Variants in ACSF2 observed in about 807,000 individuals in gnomAD.
ACSF2 encodes the protein medium-chain acyl-CoA ligase ACSF2, mitochondrial.
Under a neutral mutation model 79.3 loss-of-function variants are expected in ACSF2, and 52 were observed. The ratio of observed to expected loss-of-function variants is 0.66; its 90% CI spans 0.53 to 0.83. The LOEUF (loss-of-function observed/expected upper bound fraction) is 0.83. Ranked by LOEUF, ACSF2 falls within the 40% of genes least tolerant of loss-of-function variation. ACSF2 has a pLI of 0.00. For missense variants in ACSF2, 661 were observed against 803.3 expected, an observed-to-expected ratio of 0.82 and a Z score of 2.14; for synonymous variants, 283 against 312.6, an observed-to-expected ratio of 0.91 and a Z score of 1.00.
chr17:50,456,187 G>A (rs1039465134), intron 1 of ACSF2, among the ~76,000 whole-genome samples: 3 of 152,060 alleles, frequency 2.0e-5, no homozygotes, highest in African/African-American at 4.8e-5. Context: ...AGTAATCATC[G>A]TGCATTTAAC....
Position 50,463,379 on chromosome 17 carries a change from C to T in ACSF2, c.889-16C>T, listed in dbSNP as rs376856056. On this transcript the variant is annotated splice_polypyrimidine_tract_variant and intron_variant, in intron 7 of 15. Transcript: ENST00000300441. This position sits in a 1 kb window ranked among gnomAD's most constrained non-coding sequence, Gnocchi z 4.6. ...CTGGCTCCAAGACAGACCCAGCCTC[C>T]TGTCTCCATCACCAGACACCAGAGC... 2.5e-6 allele frequency: 4 copies of T among 1,613,278 alleles called. No individual in the cohort carries two copies.
In ACSF2 at chr17:50,471,368, G is replaced by T; in HGVS notation, c.1323+233G>T. Reference sequence around the variant, plus strand: ...GAGCGGCTGCCAGCTGAACTTCTCCGCGGCCTCCCTTCCTGTCTGAGGTGT... The same window carrying T: ...GAGCGGCTGCCAGCTGAACTTCTCCTCGGCCTCCCTTCCTGTCTGAGGTGT... On this transcript the variant is annotated intron_variant, in intron 11 of 15. Coordinates refer to ENST00000300441, the MANE Select transcript of ACSF2 (RefSeq NM_025149.6). The surrounding 1 kb of genome is among the most constrained non-coding windows in gnomAD (Gnocchi z 4.1). 1.9e-6 allele frequency: 1 copy of T among 532,224 alleles called. No homozygotes were observed. Among genetic ancestry groups the T allele is most frequent in the South Asian group, 2.1e-5 (1 of 47,104 alleles). The allele number at this position is 532,224 out of a possible 1,614,324, so 33.0% of individuals were successfully genotyped here. A position where few individuals can be genotyped will look rare whatever the true frequency, so the allele number is the denominator to read the frequency against.
chr17:50,439,806 T>TA (rs201288325), intron 1 of ACSF2, among the ~76,000 whole-genome samples: 2,174 of 152,026 alleles, frequency 0.014, 19 homozygotes, highest in South Asian at 0.02. Context: ...ACACTATTGC[T>TA]AAAAAAAAGA....
At chr17:50,465,187 G>T in intron 10 of ACSF2, 1 of 1,337,304 alleles carries the variant, frequency 7.5e-7, no homozygotes, top group Non-Finnish European at 1.0e-6. Context: ...TGTAAAAATG[G>T]AGGGTCTGCC....
chr17:50,464,025 G>A (rs1271102024), intron 9 of ACSF2, 116 bp downstream of exon 9: 2 of 595,128 alleles, frequency 3.4e-6, no homozygotes, highest in Non-Finnish European at 5.8e-6. Context: ...GAAGGACGCT[G>A]TAAAAATGTG....
At chr17:50,462,657 G>A (rs1347920509) in intron 6 of ACSF2, 72 bp downstream of exon 6, 1 of 1,546,558 alleles carries the variant, frequency 6.5e-7, no homozygotes, top group East Asian at 2.3e-5. Context: ...CTTCCGCGGG[G>A]ATGGGGAGAC....
At chr17:50,427,377 A>G (rs1163078952) in intron 1 of ACSF2, among the ~76,000 whole-genome samples, 1 of 152,164 alleles carries the variant, frequency 6.6e-6, no homozygotes, top group African/African-American at 2.4e-5. Context: ...CTGATTTCTG[A>G]ATGCTAGAAA....
At chr17:50,427,175 T>C (rs1915071062) in intron 1 of ACSF2, among the ~76,000 whole-genome samples, 1 of 152,178 alleles carries the variant, frequency 6.6e-6, no homozygotes, top group Non-Finnish European at 1.5e-5. Context: ...ACTAAGTCTA[T>C]GGTCAGGACA....
chr17:50,468,153 C>T (rs779637239), intron 10 of ACSF2: 1 of 1,614,082 alleles, frequency 6.2e-7, no homozygotes. Context: ...AGCTCCTCCA[C>T]CACCCGTAGC....
At chr17:50,468,299 T>A (rs1363973149) in intron 10 of ACSF2, 1 of 1,613,774 alleles carries the variant, frequency 6.2e-7, no homozygotes, top group Admixed American at 1.7e-5. Flanking sequence ...CCAGCGCAGG[T>A]CCTTGGCTCC....
rs192090592 is a variant in ACSF2 at position 50,463,113 on chromosome 17, G to A, written c.793-43G>A. 29 of 1,542,768 alleles carry A rather than the reference G, an allele frequency of 1.9e-5. 1 individual carries two copies. The Admixed American group carries it at 3.7e-4, about 20-fold the overall frequency. ...CAAGGCAGTGGCCCAGGGTGGGAAG[G>A]AGATGAGAAGGAGGCCAAGCCATGC... On this transcript the variant is annotated intron_variant, in intron 6 of 15. Transcript: ENST00000300441. This position sits in a 1 kb window ranked among gnomAD's most constrained non-coding sequence, Gnocchi z 4.6.
chr17:50,449,829 C>T (rs2031556168), intron 1 of ACSF2, among the ~76,000 whole-genome samples: 1 of 152,154 alleles, frequency 6.6e-6, no homozygotes, highest in South Asian at 2.1e-4. Flanking sequence ...TACACTCACA[C>T]TTTTGTGCAA....
chr17:50,433,078 C>T (rs867508941), intron 1 of ACSF2, among the ~76,000 whole-genome samples: 6 of 151,738 alleles, frequency 4.0e-5, no homozygotes, highest in African/African-American at 4.8e-5. Flanking sequence ...TACACACACA[C>T]GCACACACAC....
rs376130172 is a variant in ACSF2 at position 50,463,291 on chromosome 17, G to A, written c.888+40G>A. 5.6e-6 allele frequency: 9 copies of A among 1,612,806 alleles called. No individual in the cohort carries two copies. The African/African-American group carries it at 1.2e-4, about 22-fold the overall frequency. On this transcript the variant is annotated intron_variant, in intron 7 of 15. Transcript: ENST00000300441. The surrounding 1 kb of genome is among the most constrained non-coding windows in gnomAD (Gnocchi z 4.6). ...GGCCCAGGGCAAGGCTGCAGGAGGG[G>A]TGGCTCAGGCAGGGGTGGGGGGCTG...
In ACSF2 at chr17:50,463,420, T is replaced by C; in HGVS notation, c.914T>C (p.Leu305Pro). 6.2e-7 allele frequency: 1 copy of C among 1,614,102 alleles called. No individual in the cohort carries two copies. The highest frequency in any genetic ancestry group is 8.5e-7 in the Non-Finnish European group (1 of 1,180,016). The change falls in exon 8 of 16, where the codon CTG (leucine) becomes CCG (proline). Residue 305 changes from leucine (L) to proline (P), a missense_variant. Physicochemically the swap from Leu to Pro is moderately conservative, Grantham distance 98. Coordinates refer to ENST00000300441, the MANE Select transcript of ACSF2 (RefSeq NM_025149.6). The surrounding 1 kb of genome is among the most constrained non-coding windows in gnomAD (Gnocchi z 4.6). Reference sequence around the variant, plus strand: ...ACACCAGAGCAGTTGCGGATGATCCTGCCCAACCCCCTGTACCATTGCCTG... The same window carrying C: ...ACACCAGAGCAGTTGCGGATGATCCCGCCCAACCCCCTGTACCATTGCCTG... ...EKTPEQLRMI[L>P]PNPLYHCLGS...
chr17:50,456,540 C>G (rs1382484383), intron 1 of ACSF2, among the ~76,000 whole-genome samples: 1 of 150,994 alleles, frequency 6.6e-6, no homozygotes, highest in Non-Finnish European at 1.5e-5. Context: ...TGAGACCAGC[C>G]TGACCAACAT....
intron 4 of ACSF2, among the ~76,000 whole-genome samples, chr17:50,461,951 T>TGTGTGTGC (rs112810352): frequency 1.5e-4 from 23 of 150,482 alleles, no homozygotes; most frequent in Middle Eastern, 3.4e-3. Flanking sequence ...TGTGTGTGTG[T>TGTGTGTGC]GCGTGTGTCC....
intron 10 of ACSF2, chr17:50,464,886 T>C: frequency 2.9e-6 from 1 of 348,428 alleles, no homozygotes; most frequent in South Asian, 2.3e-5. Context: ...TGGAGCTGGG[T>C]TGGTAGTGGA....
intron 1 of ACSF2, among the ~76,000 whole-genome samples, chr17:50,427,702 T>TC (rs1418377231): frequency 2.0e-5 from 3 of 152,182 alleles, no homozygotes; most frequent in African/African-American, 7.2e-5. Context: ...CTACTCTGGC[T>TC]CAGGAGGCTG....
Sources: gnomAD v4.1 joint callset for allele counts (sites outside exome capture counted in the v4.1 genomes callset) on GRCh38, gnomAD v4.1.1 for gene constraint, Gnocchi (gnomAD v3.1) non-coding constraint, MANE v1.5 for transcripts, NCBI Gene and HGNC (gene_info 2026-07-23, HGNC 2026-07-21) for gene names.